Variants in GRIA2 observed in about 807,000 individuals in gnomAD.
GRIA2 encodes glutamate ionotropic receptor AMPA type subunit 2.
A neutral mutation model predicts 97.3 loss-of-function variants in GRIA2; 14 were observed. The observed-to-expected ratio is 0.14, with a 90% CI of 0.10 to 0.23. The LOEUF (loss-of-function observed/expected upper bound fraction) is 0.23. Among genes scored for constraint, GRIA2 ranks in the 10% least tolerant of loss-of-function variants. The probability of loss-of-function intolerance (pLI) is 1.00; values close to 1 mark genes in which losing one functional copy is unlikely to be tolerated. For synonymous variants in GRIA2, 412 were observed against 387.8 expected (o/e 1.06, Z -0.73); for missense variants, 558 against 1,069.8 (o/e 0.52, Z 6.67).
intron 2 of GRIA2, among the ~76,000 whole-genome samples, chr4:157,236,540 T>G (rs1199771116): frequency 6.6e-6 from 1 of 152,092 alleles, no homozygotes; most frequent in Non-Finnish European, 1.5e-5. Context: ...TAATAATATG[T>G]CCAAGTGGGT....
chr4:157,256,670 C>T (rs1351166652), intron 2 of GRIA2, among the ~76,000 whole-genome samples: 1 of 151,926 alleles, frequency 6.6e-6, no homozygotes, highest in African/African-American at 2.4e-5. Flanking sequence ...CTGGCCACTG[C>T]ATCTAGTCCA....
At chr4:157,269,201 G>A (rs901445712) in intron 2 of GRIA2, among the ~76,000 whole-genome samples, 4 of 151,938 alleles carry the variant, frequency 2.6e-5, no homozygotes, top group African/African-American at 9.7e-5. Context: ...GAAAAAAATT[G>A]TGGAAGACAT....
intron 2 of GRIA2, among the ~76,000 whole-genome samples, chr4:157,274,666 C>T (rs1553951151): frequency 6.6e-6 from 1 of 151,666 alleles, no homozygotes; most frequent in Non-Finnish European, 1.5e-5. Flanking sequence ...TGGTTTCCAG[C>T]TTCATCCATG....
intron 2 of GRIA2, among the ~76,000 whole-genome samples, chr4:157,251,545 T>A (rs1226010151): frequency 6.6e-6 from 1 of 152,112 alleles, no homozygotes; most frequent in African/African-American, 2.4e-5. Context: ...TGTAGTACAT[T>A]TTTCTCTTTA....
Position 157,359,877 on chromosome 4 carries a change from C to T in GRIA2, c.2044-19C>T, listed in dbSNP as rs114192841. On this transcript the variant is annotated intron_variant, in intron 12 of 15. Coordinates refer to ENST00000264426, the MANE Select transcript of GRIA2 (RefSeq NM_001083619.3). The stretch of plus-strand genomic sequence containing the variant: ...AGGGCCATCTCTTAATGCTATCTGG[C>T]CCCTTACTTTTCCTGCAGAGATCTA... 7,011 of 1,610,220 alleles carry T rather than the reference C, an allele frequency of 4.4e-3. 245 individuals are homozygous for T. The African/African-American group carries it at 0.077, about 18-fold the overall frequency.
At chr4:157,344,500 T>C (rs1413993335) in intron 12 of GRIA2, among the ~76,000 whole-genome samples, 1 of 152,130 alleles carries the variant, frequency 6.6e-6, no homozygotes, top group African/African-American at 2.4e-5. Context: ...TTGCTTACTT[T>C]GTTCTCTGCC....
chr4:157,241,587 T>G (rs2126717876), intron 2 of GRIA2, among the ~76,000 whole-genome samples: 1 of 152,252 alleles, frequency 6.6e-6, no homozygotes, highest in Non-Finnish European at 1.5e-5. Flanking sequence ...ACATCCTTTT[T>G]TTCTGATATT....
chr4:157,331,840 C>G (rs191800103), intron 6 of GRIA2, among the ~76,000 whole-genome samples: 2 of 152,078 alleles, frequency 1.3e-5, no homozygotes, highest in East Asian at 3.9e-4. Flanking sequence ...ACCTGAAATA[C>G]TAAGGAACTG....
At position 157,251,682 on chromosome 4, in the gene GRIA2, T is replaced by A. The variant is rs189068256; in HGVS notation, c.229+29875T>A. On this transcript the variant is annotated intron_variant, in intron 2 of 15. Transcript: ENST00000264426. ...TCTAATAAAGAAGAACAAGCAGAGA[T>A]GAATGTTCTTCCAATAACACTGTCA... 1.9e-3 allele frequency among the ~76,000 whole-genome samples: 286 copies of A among 152,280 alleles called. 2 individuals are homozygous for A. The highest frequency in any genetic ancestry group is 6.6e-3 in the African/African-American group (274 of 41,574).
intron 2 of GRIA2, among the ~76,000 whole-genome samples, chr4:157,232,922 T>C (rs1022059779): frequency 7.2e-5 from 11 of 152,150 alleles, no homozygotes; most frequent in African/African-American, 2.7e-4. Flanking sequence ...TCTACCTCTG[T>C]AAAAGGGAAA....
chr4:157,339,583 A>G (rs1735458413), intron 11 of GRIA2, among the ~76,000 whole-genome samples: 1 of 151,934 alleles, frequency 6.6e-6, no homozygotes, highest in Non-Finnish European at 1.5e-5. Context: ...TAAGGACTGG[A>G]ATAGAGGACA....
intron 4 of GRIA2, among the ~76,000 whole-genome samples, chr4:157,314,751 G>T (rs1364325987): frequency 6.6e-6 from 1 of 152,120 alleles, no homozygotes; most frequent in Non-Finnish European, 1.5e-5. Flanking sequence ...CGTCCATATG[G>T]ACATCTATTC....
intron 2 of GRIA2, among the ~76,000 whole-genome samples, chr4:157,260,965 T>C (rs1055418671): frequency 1.3e-5 from 2 of 152,110 alleles, no homozygotes; most frequent in Non-Finnish European, 1.5e-5. Context: ...TGCCTTATTG[T>C]TAAAATTCTT....
At chr4:157,353,515 T>A (rs10028029) in intron 12 of GRIA2, among the ~76,000 whole-genome samples, 133,278 of 147,690 alleles carry the variant, frequency 0.9, 59,636 homozygotes, top group East Asian at 0.98. Context: ...ATAAAAATAA[T>A]AAAAAAAAAA....
At chr4:157,271,768 C>G (rs1732036304) in intron 2 of GRIA2, among the ~76,000 whole-genome samples, 1 of 152,090 alleles carries the variant, frequency 6.6e-6, no homozygotes, top group Admixed American at 6.6e-5. Flanking sequence ...AGGCAATTAG[C>G]CTCTGTCCTG....
chr4:157,284,998 C>A (rs2126822057), intron 2 of GRIA2, among the ~76,000 whole-genome samples: 1 of 151,712 alleles, frequency 6.6e-6, no homozygotes, highest in East Asian at 1.9e-4. Flanking sequence ...AGGATTTTGC[C>A]CAGCTGTTCT....
intron 12 of GRIA2, among the ~76,000 whole-genome samples, chr4:157,347,355 C>A (rs1310306144): frequency 2.6e-5 from 4 of 152,082 alleles, no homozygotes; most frequent in Admixed American, 6.6e-5. Context: ...TTTTAAAGAC[C>A]ACTCTTGCCA....
At chr4:157,355,985 A>ATATATTTATATATG (rs1306087342) in intron 12 of GRIA2, among the ~76,000 whole-genome samples, 1 of 93,804 alleles carries the variant, frequency 1.1e-5, no homozygotes, top group African/African-American at 4.0e-5. Context: ...ATATATTTAT[A>ATATATTTATATATG]TATTTATATA....
At chr4:157,327,052 TTA>T (rs1734834520) in intron 6 of GRIA2, among the ~76,000 whole-genome samples, 1 of 152,194 alleles carries the variant, frequency 6.6e-6, no homozygotes, top group Non-Finnish European at 1.5e-5. Flanking sequence ...GCCTTTTCTC[TTA>T]ATTTCTTCAT....
Sources: allele counts gnomAD v4.1 joint callset (sites outside exome capture counted in the v4.1 genomes callset), GRCh38; gene constraint gnomAD v4.1.1; transcripts MANE v1.5; gene names NCBI Gene and HGNC (gene_info 2026-07-23, HGNC 2026-07-21).